Variants in INPP4B observed in about 807,000 individuals in gnomAD.
INPP4B encodes the protein inositol polyphosphate 4-phosphatase type II.
In INPP4B, 55 loss-of-function variants were observed where a neutral mutation model predicts 122.5. The observed-to-expected ratio is 0.45, with a 90% CI of 0.36 to 0.56. The LOEUF (loss-of-function observed/expected upper bound fraction) is 0.56. Ranked by LOEUF, INPP4B falls within the 20% of genes least tolerant of loss-of-function variation. INPP4B has a pLI of 0.00. For synonymous variants in INPP4B, 403 were observed against 388.7 expected, an observed-to-expected ratio of 1.04 and a Z score of -0.43; for missense variants, 1,000 against 1,097.7, an observed-to-expected ratio of 0.91 and a Z score of 1.26.
intron 5 of INPP4B, among the ~76,000 whole-genome samples, chr4:142,409,357 G>A (rs1378319954): frequency 3.3e-5 from 5 of 152,136 alleles, no homozygotes; most frequent in African/African-American, 4.8e-5. Context: ...GCTGGCCATG[G>A]TGGTGGGTGC....
chr4:142,821,984 T>C (rs1158561083), intron 1 of INPP4B, among the ~76,000 whole-genome samples: 2 of 152,124 alleles, frequency 1.3e-5, no homozygotes, highest in Non-Finnish European at 2.9e-5. Flanking sequence ...TGAGAAGTGA[T>C]AGGTGGAAGC....
chr4:142,632,253 CA>C (rs368822610), intron 2 of INPP4B, among the ~76,000 whole-genome samples: 2,059 of 151,464 alleles, frequency 0.014, 35 homozygotes, highest in African/African-American at 0.039. Flanking sequence ...ATTGTTCAGC[CA>C]AAAAAAAGAA....
rs1803058357 is a variant in INPP4B, at chr4:142,405,302, A to T, written c.159T>A (p.Pro53=). 1 of 1,611,304 alleles carries T rather than the reference A, an allele frequency of 6.2e-7. No homozygotes were observed. The highest frequency in any genetic ancestry group is 8.5e-7 in the Non-Finnish European group (1 of 1,177,818). Residue 53 remains proline (P), a synonymous_variant, in exon 6 of 26, where the codon CCT becomes CCA. Coordinates refer to ENST00000262992, the MANE Select transcript of INPP4B (RefSeq NM_001101669.3). ...GTGTATTCAGTTTACGATCACGGAC[A>T]GGAGCCACGAGATCCTTGCATGCTG... is the stretch of plus-strand genomic sequence containing the variant. ...FILACKDLVA[P]VRDRKLNTLV...
intron 8 of INPP4B, among the ~76,000 whole-genome samples, chr4:142,310,623 T>C (rs948953187): frequency 4.0e-5 from 6 of 151,566 alleles, no homozygotes; most frequent in South Asian, 2.1e-4. Flanking sequence ...ATAAGACTGA[T>C]ACACAACATC....
chr4:142,052,120 A>C (rs1241167916), intron 25 of INPP4B, among the ~76,000 whole-genome samples: 3 of 152,006 alleles, frequency 2.0e-5, no homozygotes, highest in African/African-American at 7.2e-5. Context: ...TCAAGAATAA[A>C]CTATTTTTAT....
intron 3 of INPP4B, among the ~76,000 whole-genome samples, chr4:142,442,360 C>T (rs1343216469): frequency 8.2e-6 from 1 of 122,076 alleles, no homozygotes; most frequent in Admixed American, 1.2e-4. Context: ...TGCAGTGAGC[C>T]AAGATCATGC....
intron 2 of INPP4B, among the ~76,000 whole-genome samples, chr4:142,645,966 A>G (rs552288907): frequency 6.6e-6 from 1 of 152,332 alleles, no homozygotes; most frequent in Non-Finnish European, 1.5e-5. Flanking sequence ...CCTGTGTTAT[A>G]CAATCAGAAA....
intron 2 of INPP4B, among the ~76,000 whole-genome samples, chr4:142,562,826 G>A (rs535610908): frequency 1.1e-4 from 16 of 152,200 alleles, no homozygotes; most frequent in African/African-American, 3.6e-4. Context: ...CATGTTACTT[G>A]CAAAATGTTA....
At chr4:142,430,543 A>G (rs1809080738) in intron 4 of INPP4B, among the ~76,000 whole-genome samples, 1 of 152,140 alleles carries the variant, frequency 6.6e-6, no homozygotes, top group Non-Finnish European at 1.5e-5. Context: ...AATTCATGCT[A>G]AACAATAAAA....
intron 9 of INPP4B, among the ~76,000 whole-genome samples, chr4:142,285,371 T>C (rs1355141089): frequency 6.6e-6 from 1 of 151,824 alleles, no homozygotes. Flanking sequence ...CATCTCTAGA[T>C]GATGTAAGAA....
At chr4:142,654,233 C>G (rs1206814146) in intron 2 of INPP4B, among the ~76,000 whole-genome samples, 1 of 151,722 alleles carries the variant, frequency 6.6e-6, no homozygotes, top group East Asian at 1.9e-4. Context: ...GGGTAGGGGG[C>G]TCGGGAAGGG....
chr4:142,301,004 G>A (rs1021257136), intron 9 of INPP4B, among the ~76,000 whole-genome samples: 11 of 152,220 alleles, frequency 7.2e-5, no homozygotes, highest in East Asian at 1.9e-4. Flanking sequence ...TAAAGTCCTC[G>A]TTAAGATGAG....
At chr4:142,120,385 G>C (rs754987951) in intron 21 of INPP4B, among the ~76,000 whole-genome samples, 4 of 152,038 alleles carry the variant, frequency 2.6e-5, no homozygotes, top group Non-Finnish European at 5.9e-5. Context: ...CGGAGATTTA[G>C]ATAGCGATTG....
intron 2 of INPP4B, among the ~76,000 whole-genome samples, chr4:142,585,593 C>T (rs1475683269): frequency 6.6e-6 from 1 of 152,086 alleles, no homozygotes; most frequent in Non-Finnish European, 1.5e-5. Context: ...GTCATATATT[C>T]TTGCTCAACT....
chr4:142,496,545 A>G (rs911421598), intron 2 of INPP4B, among the ~76,000 whole-genome samples: 1 of 152,136 alleles, frequency 6.6e-6, no homozygotes, highest in African/African-American at 2.4e-5. Context: ...TTAGCATATG[A>G]GACTTTCCAT....
At chr4:142,347,756 G>T (rs1780733364) in intron 7 of INPP4B, among the ~76,000 whole-genome samples, 1 of 151,624 alleles carries the variant, frequency 6.6e-6, no homozygotes, top group Non-Finnish European at 1.5e-5. Flanking sequence ...GATAGAGATT[G>T]CACTAGGTAA....
intron 7 of INPP4B, among the ~76,000 whole-genome samples, chr4:142,315,507 C>A (rs1246286203): frequency 2.0e-5 from 3 of 151,888 alleles, no homozygotes; most frequent in South Asian, 2.1e-4. Context: ...GATTTTCAAT[C>A]CTGGCTGTAC....
chr4:142,234,359 C>T (rs1340339187), intron 12 of INPP4B, among the ~76,000 whole-genome samples: 2 of 152,112 alleles, frequency 1.3e-5, no homozygotes, highest in East Asian at 1.9e-4. Context: ...GTGGCCACTG[C>T]ATTTTAAAAT....
At chr4:142,125,567 C>T (rs764326010) in intron 18 of INPP4B, among the ~76,000 whole-genome samples, 2 of 152,064 alleles carry the variant, frequency 1.3e-5, no homozygotes, top group Non-Finnish European at 2.9e-5. Flanking sequence ...ATCTCCTCTC[C>T]TGGAACACTC....
Sources: allele counts gnomAD v4.1 joint callset (sites outside exome capture counted in the v4.1 genomes callset), GRCh38; gene constraint gnomAD v4.1.1; transcripts MANE v1.5; gene names NCBI Gene and HGNC (gene_info 2026-07-23, HGNC 2026-07-21).